Variants in PREX1 observed in about 807,000 individuals in gnomAD.
PREX1 encodes the protein phosphatidylinositol-3,4,5-trisphosphate dependent Rac exchange factor 1.
PREX1 carries 41 observed loss-of-function variants against 198.3 expected under a neutral mutation model. The ratio of observed to expected loss-of-function variants is 0.21; its 90% CI spans 0.16 to 0.27. The LOEUF (loss-of-function observed/expected upper bound fraction) is 0.27. Ranked by LOEUF, PREX1 falls within the 10% of genes least tolerant of loss-of-function variation. The probability of loss-of-function intolerance (pLI) is 1.00; values close to 1 mark genes in which losing one functional copy is unlikely to be tolerated. For missense variants in PREX1, 1,620 were observed against 2,200.7 expected, an observed-to-expected ratio of 0.74 and a Z score of 5.28; for synonymous variants, 843 against 887.2, an observed-to-expected ratio of 0.95 and a Z score of 0.89.
At position 48,664,711 on chromosome 20, in the gene PREX1, G is replaced by A. The variant is rs143262198; in HGVS notation, c.1738+1572C>T. Among the ~76,000 whole-genome samples, 631 of 152,288 alleles carry A rather than the reference G, an allele frequency of 4.1e-3. 1 individual carries two copies. Among genetic ancestry groups the A allele is most frequent in the African/African-American group, 0.014 (571 of 41,548 alleles). ...AGTTGAGTGTGCAGCCTCTAAACCC[G>A]CACGATCTGGGTTCTAATCCCAGCT... is the stretch of plus-strand genomic sequence containing the variant. On this transcript the variant is annotated intron_variant, in intron 15 of 39. Transcript: ENST00000371941.
intron 14 of PREX1, among the ~76,000 whole-genome samples, chr20:48,673,394 T>A (rs2089688988): frequency 6.6e-6 from 1 of 152,204 alleles, no homozygotes; most frequent in African/African-American, 2.4e-5. Flanking sequence ...AGACCCGACG[T>A]CCTGTTGTCT....
chr20:48,862,807 A>ATATTTGTG, the PREX1 span, among the ~76,000 whole-genome samples: 1 of 126,712 alleles, frequency 7.9e-6, no homozygotes, highest in Non-Finnish European at 1.6e-5. Flanking sequence ...ATATATATAT[A>ATATTTGTG]TATATACTAA....
Position 48,786,939 on chromosome 20 carries a change from AG to A in PREX1, c.220-39060del, listed in dbSNP as rs573472347. On this transcript the variant is annotated intron_variant, in intron 1 of 39. Coordinates refer to ENST00000371941, the MANE Select transcript of PREX1 (RefSeq NM_020820.4). ...GAGGAGGAGGCGTGGGAAGGACAAG[AG>A]GTCACAAGGATGCGACTCCTGACCC... Among the ~76,000 whole-genome samples the A allele has an allele frequency of 4.0e-5, 6 of 151,880 alleles. No homozygotes were observed. The East Asian group carries it at 1.2e-3, about 30-fold the overall frequency.
At chr20:48,711,584 G>A (rs147882528) in intron 5 of PREX1, among the ~76,000 whole-genome samples, 88 of 152,148 alleles carry the variant, frequency 5.8e-4, no homozygotes, top group African/African-American at 2.0e-3. Context: ...CCCATCACCC[G>A]TTTTTGTAAA....
intron 5 of PREX1, among the ~76,000 whole-genome samples, chr20:48,721,456 A>G (rs1461670776): frequency 6.6e-6 from 1 of 152,250 alleles, no homozygotes; most frequent in Non-Finnish European, 1.5e-5. Context: ...CTCAGGAGAC[A>G]TGGGGTAAAA....
chr20:48,831,656 T>G (rs1182248829), upstream of PREX1, among the ~76,000 whole-genome samples: 1 of 152,206 alleles, frequency 6.6e-6, no homozygotes, highest in Non-Finnish European at 1.5e-5. Flanking sequence ...CTTCCTGGTG[T>G]GTCCAGTCAA....
intron 7 of PREX1, among the ~76,000 whole-genome samples, chr20:48,695,561 T>C (rs890557488): frequency 1.3e-5 from 2 of 152,230 alleles, no homozygotes; most frequent in African/African-American, 4.8e-5. Context: ...ATTCCAGTTG[T>C]CCCACATCCT....
At chr20:48,677,250 G>T (rs1349937141) in intron 13 of PREX1, among the ~76,000 whole-genome samples, 1 of 152,212 alleles carries the variant, frequency 6.6e-6, no homozygotes, top group African/African-American at 2.4e-5. Context: ...CAGCAGAGGA[G>T]CCCAGGAGGG....
At chr20:48,808,555 C>T (rs1293792721) in intron 1 of PREX1, among the ~76,000 whole-genome samples, 5 of 152,162 alleles carry the variant, frequency 3.3e-5, no homozygotes, top group South Asian at 4.1e-4. Context: ...ATCATCTACC[C>T]GCACAAGTAG....
Position 48,630,786 on chromosome 20 carries a change from TA to T in PREX1, c.4534del (p.Tyr1512ThrfsTer16). ...QQYYRKLRAF[Y>X]LERSNLPTDA... ...CGTGGGCAGGTTAGACCGCTCCAGG[TA>T]AAATGCCCTGCGAGAGAAAGATGGG... On this transcript the variant is annotated frameshift_variant, in exon 36 of 40. Coordinates refer to ENST00000371941, the MANE Select transcript of PREX1 (RefSeq NM_020820.4). LOFTEE classifies it high-confidence loss of function. The T allele has an allele frequency of 1.3e-6, 2 of 1,581,266 alleles. No individual in the cohort carries two copies. Among genetic ancestry groups the T allele is most frequent in the Non-Finnish European group, 1.7e-6 (2 of 1,150,490 alleles).
At chr20:48,732,735 T>C (rs1167460103) in intron 4 of PREX1, among the ~76,000 whole-genome samples, 1 of 152,226 alleles carries the variant, frequency 6.6e-6, no homozygotes, top group East Asian at 1.9e-4. Flanking sequence ...AAAGCCTGTA[T>C]TTCCCAGCCT....
At chr20:48,712,163 C>T (rs1043086547) in intron 5 of PREX1, among the ~76,000 whole-genome samples, 8 of 152,202 alleles carry the variant, frequency 5.3e-5, no homozygotes, top group Non-Finnish European at 7.3e-5. Flanking sequence ...CTCTGTTAAG[C>T]TTGGCCATCA....
chr20:48,655,919 G>A (rs981586312), intron 18 of PREX1, among the ~76,000 whole-genome samples: 13 of 152,108 alleles, frequency 8.5e-5, no homozygotes, highest in Admixed American at 1.3e-4. Context: ...CCACATCCCC[G>A]TCTAAGGCAG....
the PREX1 span, among the ~76,000 whole-genome samples, chr20:48,839,412 T>A: frequency 2.6e-5 from 4 of 152,376 alleles, no homozygotes; most frequent in South Asian, 6.2e-4. Context: ...CTATGGGTAT[T>A]CAAACAGGCA....
chr20:48,755,066 T>C (rs2090150883), intron 1 of PREX1, among the ~76,000 whole-genome samples: 1 of 152,192 alleles, frequency 6.6e-6, no homozygotes, highest in Non-Finnish European at 1.5e-5. Flanking sequence ...TATAATTCCA[T>C]CACTGGGGGT....
intron 10 of PREX1, among the ~76,000 whole-genome samples, chr20:48,683,538 A>G (rs969461888): frequency 2.1e-4 from 32 of 152,222 alleles, no homozygotes; most frequent in African/African-American, 1.2e-4. Flanking sequence ...CAAAAACCCA[A>G]TAAAATTCAT....
intron 10 of PREX1, among the ~76,000 whole-genome samples, chr20:48,681,674 A>G (rs932575331): frequency 9.7e-6 from 1 of 102,928 alleles, no homozygotes; most frequent in African/African-American, 4.5e-5. Context: ...ATGAGTGACT[A>G]CATAGATGGA....
intron 2 of PREX1, 64 bp downstream of exon 2, chr20:48,747,745 G>A (rs1472616605): frequency 2.3e-5 from 34 of 1,510,698 alleles, no homozygotes; most frequent in East Asian, 6.9e-5. Flanking sequence ...AGCATCGCAC[G>A]GGAAGAGCAA....
intron 1 of PREX1, among the ~76,000 whole-genome samples, chr20:48,814,750 G>A (rs551428423): frequency 3.9e-5 from 6 of 152,284 alleles, no homozygotes; most frequent in South Asian, 4.1e-4. Flanking sequence ...GTTAATGTCC[G>A]TAGCAAACAA....
Sources: gnomAD v4.1 joint callset for allele counts (sites outside exome capture counted in the v4.1 genomes callset) on GRCh38, gnomAD v4.1.1 for gene constraint, MANE v1.5 for transcripts, NCBI Gene and HGNC (gene_info 2026-07-23, HGNC 2026-07-21) for gene names.